Variants in GPATCH2 observed in about 807,000 individuals in gnomAD.
GPATCH2 encodes G patch domain-containing protein 2.
In GPATCH2, 51 loss-of-function variants were observed where a neutral mutation model predicts 58.0. The observed-to-expected ratio is 0.88, with a 90% CI of 0.70 to 1.11. The LOEUF is 1.11. Among genes scored for constraint, GPATCH2 ranks in the 50% most tolerant of loss-of-function variants. The pLI is 0.00. For synonymous variants in GPATCH2, 222 were observed against 218.5 expected, an observed-to-expected ratio of 1.02 and a Z score of -0.14; for missense variants, 625 against 652.2, an observed-to-expected ratio of 0.96 and a Z score of 0.45.
At chr1:217,609,080 A>T in intron 5 of GPATCH2, 1 of 788,946 alleles carries the variant, frequency 1.3e-6, no homozygotes, top group Non-Finnish European at 1.5e-6. Context: ...TACACATATT[A>T]AATCACATTG....
intron 5 of GPATCH2, among the ~76,000 whole-genome samples, chr1:217,572,045 G>A (rs919843936): frequency 2.3e-4 from 34 of 150,794 alleles, no homozygotes; most frequent in African/African-American, 7.8e-4. Flanking sequence ...AGGGAGGGAG[G>A]GAGAGGGAGA....
At chr1:217,484,556 T>TA (rs1661360373) in intron 8 of GPATCH2, among the ~76,000 whole-genome samples, 13 of 143,204 alleles carry the variant, frequency 9.1e-5, no homozygotes, top group African/African-American at 2.8e-4. Flanking sequence ...ATATAATTAT[T>TA]TATATATATA....
In GPATCH2 at chr1:217,561,762, G is replaced by A. The variant is rs1033650190; in HGVS notation, c.1099-46873C>T. On this transcript the variant is annotated intron_variant, in intron 5 of 9. Transcript: ENST00000366935. Reference sequence around the variant, plus strand: ...CACCACTGTTTTCATCCCTTGACAAGTGCAAGAAGTAGAGGAGAAACATGG... The same window carrying A: ...CACCACTGTTTTCATCCCTTGACAAATGCAAGAAGTAGAGGAGAAACATGG... Among the ~76,000 whole-genome samples the A allele has an allele frequency of 2.0e-5, 3 of 152,116 alleles. 1 individual carries two copies. Among genetic ancestry groups the A allele is most frequent in the Non-Finnish European group, 4.4e-5 (3 of 68,034 alleles).
At chr1:217,538,122 A>G (rs1664565397) in intron 5 of GPATCH2, among the ~76,000 whole-genome samples, 1 of 152,226 alleles carries the variant, frequency 6.6e-6, no homozygotes, top group Non-Finnish European at 1.5e-5. Flanking sequence ...ATTTAAAAAA[A>G]TAAAGTTTGA....
intron 9 of GPATCH2, among the ~76,000 whole-genome samples, chr1:217,446,974 C>A (rs1346953501): frequency 6.6e-6 from 1 of 152,156 alleles, no homozygotes; most frequent in Non-Finnish European, 1.5e-5. Flanking sequence ...TTCCTTATTG[C>A]TGCCACTAAG....
chr1:217,578,310 C>A (rs1666907099), intron 5 of GPATCH2, among the ~76,000 whole-genome samples: 1 of 152,130 alleles, frequency 6.6e-6, no homozygotes, highest in Non-Finnish European at 1.5e-5. Flanking sequence ...CTCACTACAG[C>A]CTCAAAGAAC....
intron 8 of GPATCH2, among the ~76,000 whole-genome samples, chr1:217,450,200 G>A (rs540551433): frequency 6.6e-6 from 1 of 152,076 alleles, no homozygotes; most frequent in Non-Finnish European, 1.5e-5. Flanking sequence ...GGTTGGGATA[G>A]GGCCTGGGGA....
intron 1 of GPATCH2, among the ~76,000 whole-genome samples, chr1:217,628,024 T>C (rs1362391270): frequency 3.3e-5 from 5 of 152,082 alleles, no homozygotes; most frequent in Non-Finnish European, 7.4e-5. Context: ...AAATGAGTCT[T>C]ATTTAATGTT....
intron 5 of GPATCH2, among the ~76,000 whole-genome samples, chr1:217,556,766 T>G (rs1214333908): frequency 6.6e-6 from 1 of 152,242 alleles, no homozygotes. Context: ...CATTCTTTAC[T>G]GGCTGGTGCC....
intron 5 of GPATCH2, among the ~76,000 whole-genome samples, chr1:217,563,383 A>T (rs868690125): frequency 6.6e-6 from 1 of 152,214 alleles, no homozygotes; most frequent in Non-Finnish European, 1.5e-5. Flanking sequence ...TCATGGACTG[A>T]GCCAAAATTA....
rs1020037397 is a variant in GPATCH2, at chr1:217,428,380, G to T, written c.*2765C>A. 1.3e-5 allele frequency: 2 copies of T among 152,148 alleles called. No individual in the cohort carries two copies. The highest frequency in any genetic ancestry group is 2.4e-5 in the African/African-American group (1 of 41,444). 9.4% of individuals were successfully genotyped at this position (152,148 alleles called of 1,614,324 possible). A position where few individuals can be genotyped will look rare whatever the true frequency, so the allele number is the denominator to read the frequency against. On this transcript the variant is annotated 3_prime_UTR_variant, in exon 10 of 10. Transcript: ENST00000366935. Reference sequence around the variant, plus strand: ...ACATTCTAAATCTTGGGGTTCTATGGACGTTGTAACTGGCAAAAAATTAAC... The same window carrying T: ...ACATTCTAAATCTTGGGGTTCTATGTACGTTGTAACTGGCAAAAAATTAAC...
rs552198001 is a variant in GPATCH2 at position 217,437,732 on chromosome 1, G to T, written c.1367-6367C>A. Among the ~76,000 whole-genome samples the T allele has an allele frequency of 9.2e-5, 14 of 152,326 alleles. No homozygotes were observed. The East Asian group carries it at 2.7e-3, about 30-fold the overall frequency. On this transcript the variant is annotated intron_variant, in intron 9 of 9. Coordinates refer to ENST00000366935, the MANE Select transcript of GPATCH2 (RefSeq NM_018040.5). ...CTCTGAAAGAAATGCAGCAGCCCCAGTAAGGGGCTTATAGATAAAAAACCC... is the reference window on the plus strand; with the variant it reads ...CTCTGAAAGAAATGCAGCAGCCCCATTAAGGGGCTTATAGATAAAAAACCC...
intron 5 of GPATCH2, among the ~76,000 whole-genome samples, chr1:217,540,822 A>C (rs1422707459): frequency 6.6e-6 from 1 of 152,232 alleles, no homozygotes; most frequent in Non-Finnish European, 1.5e-5. Context: ...AACAGCTTCC[A>C]AGGTGGCATT....
At chr1:217,593,408 C>T (rs907444685) in intron 5 of GPATCH2, among the ~76,000 whole-genome samples, 4 of 151,816 alleles carry the variant, frequency 2.6e-5, no homozygotes, top group African/African-American at 9.7e-5. Flanking sequence ...TGATTTGTGT[C>T]CTATTGTATT....
chr1:217,559,468 A>ACAGT (rs2102688261), intron 5 of GPATCH2, among the ~76,000 whole-genome samples: 1 of 152,334 alleles, frequency 6.6e-6, no homozygotes, highest in South Asian at 2.1e-4. Flanking sequence ...AGAGCTGGCT[A>ACAGT]CAGTCCTATT....
chr1:217,569,089 G>A (rs1666411019), intron 5 of GPATCH2, among the ~76,000 whole-genome samples: 1 of 150,400 alleles, frequency 6.6e-6, no homozygotes, highest in Non-Finnish European at 1.5e-5. Flanking sequence ...TTTATAGTAT[G>A]AACAACTAAA....
intron 6 of GPATCH2, among the ~76,000 whole-genome samples, chr1:217,510,121 G>T (rs1662773870): frequency 6.6e-6 from 1 of 152,080 alleles, no homozygotes; most frequent in Non-Finnish European, 1.5e-5. Context: ...CTATACAACA[G>T]TGGTCTTTAC....
At chr1:217,589,582 A>G (rs962280938) in intron 5 of GPATCH2, among the ~76,000 whole-genome samples, 1 of 152,182 alleles carries the variant, frequency 6.6e-6, no homozygotes, top group Admixed American at 6.5e-5. Flanking sequence ...TCTTTAAAAG[A>G]TCCAAGAGTT....
intron 5 of GPATCH2, among the ~76,000 whole-genome samples, chr1:217,547,869 C>T (rs1665144547): frequency 6.6e-6 from 1 of 151,982 alleles, no homozygotes; most frequent in East Asian, 1.9e-4. Flanking sequence ...GGTGAACTTC[C>T]CTTTGCTGTT....
Sources: gnomAD v4.1 joint callset for allele counts (sites outside exome capture counted in the v4.1 genomes callset) on GRCh38, gnomAD v4.1.1 for gene constraint, MANE v1.5 for transcripts, NCBI Gene and HGNC (gene_info 2026-07-23, HGNC 2026-07-21) for gene names.